Variants in POU2F2 observed in about 807,000 individuals in gnomAD.
The protein encoded by POU2F2 is POU class 2 homeobox 2, also known as POU domain, class 2, transcription factor 2.
In POU2F2, 14 loss-of-function variants were observed where a neutral mutation model predicts 63.5. That is an observed-to-expected ratio of 0.22 (90% CI 0.15 to 0.34). POU2F2 has a LOEUF of 0.34. POU2F2 is among the 10% of genes least tolerant of loss of function. The pLI, the probability that POU2F2 is intolerant of heterozygous loss-of-function variation, is 1.00. For synonymous variants in POU2F2, 306 were observed against 348.6 expected (o/e 0.88, Z 1.36); for missense variants, 607 against 815.2 (o/e 0.74, Z 3.11).
At position 42,087,512 on chromosome 19, in the gene POU2F2, C is replaced by A. The variant is rs2076585968; in HGVS notation, c.*3745G>T. The stretch of plus-strand genomic sequence containing the variant: ...CCAACTCCTACTGGGGCTTGGGTTC[C>A]CCATCCCTACCCACCCCCACACACA... On this transcript the variant is annotated 3_prime_UTR_variant, in exon 15 of 15. Transcript: ENST00000692977. The A allele has an allele frequency of 6.6e-6, 1 of 151,128 alleles. No individual in the cohort carries two copies. Among genetic ancestry groups the A allele is most frequent in the African/African-American group, 2.4e-5 (1 of 41,106 alleles). The allele number at this position is 151,128 out of a possible 1,614,324, so 9.4% of individuals were successfully genotyped here. A position where few individuals can be genotyped will look rare whatever the true frequency, so the allele number is the denominator to read the frequency against.
chr19:42,096,882 T>C lies in POU2F2; in HGVS notation c.568-639A>G, dbSNP rs2076941590. 6.6e-6 allele frequency among the ~76,000 whole-genome samples: 1 copy of C among 152,196 alleles called. No homozygotes were observed. Among genetic ancestry groups the C allele is most frequent in the South Asian group, 2.1e-4 (1 of 4,836 alleles). ...TAGATGATGCAGGAAGCTGTGCATG[T>C]GTAGGGGCAGAGATAGATGGGATAT... On this transcript the variant is annotated intron_variant, in intron 7 of 14. Coordinates refer to ENST00000692977, the MANE Select transcript of POU2F2 (RefSeq NM_001394376.1). The surrounding 1 kb of genome is among the most constrained non-coding windows in gnomAD (Gnocchi z 4.1).
Position 42,122,503 on chromosome 19 carries a change from C to G in POU2F2, c.94+8G>C, listed in dbSNP as rs1351503068. On this transcript the variant is annotated splice_region_variant and intron_variant, in intron 2 of 14. Transcript: ENST00000692977. ...TGACCCCTGCCCCCCTGCTCCCTGC[C>G]CACCCACCTGTGTGCTCTGATGGGG... 1.9e-6 allele frequency: 3 copies of G among 1,611,240 alleles called. No homozygotes were observed. The highest frequency in any genetic ancestry group is 2.2e-5 in the East Asian group (1 of 44,846).
At chr19:42,144,828 A>G (rs1452003090) in intron 2 of POU2F2, among the ~76,000 whole-genome samples, 4 of 152,238 alleles carry the variant, frequency 2.6e-5, no homozygotes, top group Non-Finnish European at 5.9e-5. Context: ...GGGCAAGCCA[A>G]TTCCAGAGCC....
chr19:42,171,698 A>G (rs1268109659), intron 1 of POU2F2, among the ~76,000 whole-genome samples: 1 of 152,198 alleles, frequency 6.6e-6, no homozygotes, highest in East Asian at 1.9e-4. Context: ...TGTGAATGCC[A>G]CATGAGTCTG....
rs1358205521 is a variant in POU2F2 at position 42,156,172 on chromosome 19, G to A, written c.-9+4160C>T. ...CTGGGGCTCCATGCTTACCAGGATG[G>A]TGGGTACTTGACCTTCATTTGCTGT... On this transcript the variant is annotated intron_variant, in intron 2 of 6. Transcript: ENST00000524801. This position sits in a 1 kb window ranked among gnomAD's most constrained non-coding sequence, Gnocchi z 4.1. The A allele has an allele frequency of 1.3e-5, 2 of 152,178 alleles. No homozygotes were observed. The highest frequency in any genetic ancestry group is 2.9e-5 in the Non-Finnish European group (2 of 68,026). The allele number at this position is 152,178 out of a possible 1,614,324, so 9.4% of individuals were successfully genotyped here.
rs940359568 is a variant in POU2F2 at position 42,156,721 on chromosome 19, T to C, written c.-9+3611A>G. On this transcript the variant is annotated intron_variant, in intron 2 of 6. Coordinates refer to the POU2F2 transcript ENST00000524801. This position sits in a 1 kb window ranked among gnomAD's most constrained non-coding sequence, Gnocchi z 4.1. ...GCTTCTCCGGCTTGTCTGAAGAACC[T>C]GAACTGCCCTTAAGGCCTGCGCCTC... 9 of 152,214 alleles carry C rather than the reference T, an allele frequency of 5.9e-5. No individual in the cohort carries two copies. The highest frequency in any genetic ancestry group is 2.2e-4 in the African/African-American group (9 of 41,446). 9.4% of individuals were successfully genotyped at this position (152,214 alleles called of 1,614,324 possible).
intron 5 of POU2F2, among the ~76,000 whole-genome samples, chr19:42,114,923 T>C (rs2031650855): frequency 6.6e-6 from 1 of 152,130 alleles, no homozygotes; most frequent in Non-Finnish European, 1.5e-5. Context: ...GCAGATCGCT[T>C]GAGCTCAGGA....
Position 42,096,365 on chromosome 19 carries a change from C to A in POU2F2, c.568-122G>T. The A allele has an allele frequency of 1.0e-6, 1 of 1,004,726 alleles. No individual in the cohort carries two copies. Among genetic ancestry groups the A allele is most frequent in the Middle Eastern group, 3.2e-4 (1 of 3,084 alleles). 62.2% of individuals were successfully genotyped at this position (1,004,726 alleles called of 1,614,324 possible). On this transcript the variant is annotated intron_variant, in intron 7 of 14. Transcript: ENST00000692977. This position sits in a 1 kb window ranked among gnomAD's most constrained non-coding sequence, Gnocchi z 4.1. ...CGTTCCATCCGCCGCCTGCAGACTC[C>A]CCCCGCCTTCCTCCACAAGCACCGT...
chr19:42,136,674 T>A (rs912888905), upstream of POU2F2: 1 of 152,250 alleles, frequency 6.6e-6, no homozygotes, highest in African/African-American at 2.4e-5. Context: ...CCTGACAGCT[T>A]GATCTCTCTG....
intron 5 of POU2F2, among the ~76,000 whole-genome samples, chr19:42,111,280 T>C (rs2031045604): frequency 6.6e-6 from 1 of 151,830 alleles, no homozygotes; most frequent in East Asian, 1.9e-4. Flanking sequence ...TCACCACACC[T>C]GGTTAATTTT....
At chr19:42,106,040 TTTCTTTCTTTC>T (rs1179575709) in intron 5 of POU2F2, among the ~76,000 whole-genome samples, 2 of 147,644 alleles carry the variant, frequency 1.4e-5, no homozygotes, top group South Asian at 2.2e-4. Flanking sequence ...TCTTTCTTTC[TTTCTTTCTTTC>T]TTCTTTCTTT....
intron 1 of POU2F2, among the ~76,000 whole-genome samples, chr19:42,174,066 T>G (rs2146805496): frequency 6.6e-6 from 1 of 152,274 alleles, no homozygotes; most frequent in Admixed American, 6.5e-5. Context: ...TTTGTTTTCT[T>G]GAACCCAGCT....
At chr19:42,126,468 A>C (rs2033210251) in intron 1 of POU2F2, among the ~76,000 whole-genome samples, 1 of 151,420 alleles carries the variant, frequency 6.6e-6, no homozygotes, top group African/African-American at 2.4e-5. Context: ...GAAGAAAAAG[A>C]GGGAATTAGG....
Position 42,087,635 on chromosome 19 carries a change from A to G in POU2F2, c.*3622T>C, listed in dbSNP as rs2076590638. On this transcript the variant is annotated 3_prime_UTR_variant, in exon 15 of 15. Transcript: ENST00000692977. Reference sequence around the variant, plus strand: ...TTTTGGCACAATGAAAAGGCCCACCATTAGGGTAGACCCAGTCTCTGTCCC... The same window carrying G: ...TTTTGGCACAATGAAAAGGCCCACCGTTAGGGTAGACCCAGTCTCTGTCCC... The G allele has an allele frequency of 6.9e-6, 1 of 144,182 alleles. No homozygotes were observed. The allele number at this position is 144,182 out of a possible 1,614,324, so 8.9% of individuals were successfully genotyped here. A position where few individuals can be genotyped will look rare whatever the true frequency, so the allele number is the denominator to read the frequency against.
At chr19:42,099,673 T>G (rs1229150368) in intron 6 of POU2F2, 43 bp downstream of exon 6, 5 of 1,602,248 alleles carry the variant, frequency 3.1e-6, no homozygotes, top group Admixed American at 1.7e-5. Flanking sequence ...GTGAGGAAGT[T>G]CTGTGGAGGC....
chr19:42,142,715 A>G (rs1454847977), intron 2 of POU2F2, among the ~76,000 whole-genome samples: 1 of 152,032 alleles, frequency 6.6e-6, no homozygotes, highest in African/African-American at 2.4e-5. Flanking sequence ...GGCACATGCT[A>G]CCACACCCAG....
chr19:42,134,963 G>A (rs1414470413), upstream of POU2F2, among the ~76,000 whole-genome samples: 4 of 152,026 alleles, frequency 2.6e-5, no homozygotes, highest in South Asian at 2.1e-4. Flanking sequence ...CCAGCCCACC[G>A]GGGACAGCAG....
At chr19:42,142,482 G>T (rs1166297147) in intron 2 of POU2F2, among the ~76,000 whole-genome samples, 1 of 152,058 alleles carries the variant, frequency 6.6e-6, no homozygotes, top group Non-Finnish European at 1.5e-5. Flanking sequence ...GAGCCACTGT[G>T]CCCGGCCAGC....
At chr19:42,178,500 G>C (rs1221161484), upstream of POU2F2, among the ~76,000 whole-genome samples, 1 of 152,252 alleles carries the variant, frequency 6.6e-6, no homozygotes, top group East Asian at 1.9e-4. Flanking sequence ...CACACACAGA[G>C]GTAAGAGATA....
Sources: allele counts gnomAD v4.1 joint callset (sites outside exome capture counted in the v4.1 genomes callset), GRCh38; gene constraint gnomAD v4.1.1; non-coding constraint Gnocchi (gnomAD v3.1); transcripts MANE v1.5; gene names NCBI Gene and HGNC (gene_info 2026-07-23, HGNC 2026-07-21).